The following DOCK1 variants were observed in gnomAD, a reference collection of about 807,000 sequenced individuals.
DOCK1 encodes the protein dedicator of cytokinesis protein 1.
In DOCK1, 138 loss-of-function variants were observed where a neutral mutation model predicts 262.7. The ratio of observed to expected loss-of-function variants is 0.53; its 90% CI spans 0.46 to 0.61. DOCK1 has a LOEUF of 0.61. Among genes scored for constraint, DOCK1 ranks in the 20% least tolerant of loss-of-function variants. The pLI, the probability that DOCK1 is intolerant of heterozygous loss-of-function variation, is 0.00. For missense variants in DOCK1, 1,908 were observed against 2,370.7 expected (o/e 0.80, Z 4.05); for synonymous variants, 866 against 867.4 (o/e 1.00, Z 0.03).
intron 28 of DOCK1, among the ~76,000 whole-genome samples, chr10:127,250,746 C>T (rs1231328512): frequency 8.4e-6 from 1 of 119,144 alleles, no homozygotes; most frequent in Non-Finnish European, 1.6e-5. Flanking sequence ...GAGCCGAGAT[C>T]GGGCCACTGC....
intron 1 of DOCK1, among the ~76,000 whole-genome samples, chr10:126,945,621 A>AT (rs1203608557): frequency 4.6e-5 from 7 of 152,114 alleles, no homozygotes; most frequent in African/African-American, 1.7e-4. Context: ...ATTTTTATGG[A>AT]TTTTCTTTTA....
chr10:126,956,156 C>T (rs2036722842), intron 1 of DOCK1, among the ~76,000 whole-genome samples: 1 of 152,202 alleles, frequency 6.6e-6, no homozygotes, highest in Non-Finnish European at 1.5e-5. Flanking sequence ...TGCTGATCTG[C>T]CTGGGAACAA....
intron 23 of DOCK1, among the ~76,000 whole-genome samples, chr10:127,071,576 T>C (rs570486194): frequency 1.1e-4 from 17 of 152,312 alleles, no homozygotes; most frequent in African/African-American, 4.1e-4. Context: ...CTGCGTAGTT[T>C]TTGGTTTACT....
Position 127,116,850 on chromosome 10 carries a change from A to G in DOCK1, c.2623+6496A>G, listed in dbSNP as rs547726484. On this transcript the variant is annotated intron_variant, in intron 25 of 51. Coordinates refer to ENST00000623213, the MANE Select transcript of DOCK1 (RefSeq NM_001290223.2). ...TATAGCATTCTGCAGTACTTTAATT[A>G]GATAGTTGTGCTGATGACTTCTGAT... 9.2e-5 allele frequency among the ~76,000 whole-genome samples: 14 copies of G among 152,306 alleles called. No homozygotes were observed. The East Asian group carries it at 2.5e-3, about 27-fold the overall frequency.
intron 29 of DOCK1, among the ~76,000 whole-genome samples, chr10:127,291,179 T>G (rs2061334439): frequency 6.6e-6 from 1 of 152,164 alleles, no homozygotes; most frequent in Admixed American, 6.5e-5. Flanking sequence ...GACTTTTGCT[T>G]ACAAAGGGCA....
intron 27 of DOCK1, among the ~76,000 whole-genome samples, chr10:127,140,981 T>G (rs1244374520): frequency 6.6e-6 from 1 of 152,188 alleles, no homozygotes; most frequent in Admixed American, 6.5e-5. Flanking sequence ...TTCCCCTTCC[T>G]GCTGCCCGGC....
At chr10:127,320,364 A>G (rs1439396276) in intron 29 of DOCK1, among the ~76,000 whole-genome samples, 3 of 152,236 alleles carry the variant, frequency 2.0e-5, no homozygotes, top group African/African-American at 7.2e-5. Context: ...GCAGGGGCCA[A>G]TGCAGCCAAG....
chr10:126,912,462 C>A (rs1279783277), intron 1 of DOCK1, among the ~76,000 whole-genome samples: 1 of 149,898 alleles, frequency 6.7e-6, no homozygotes, highest in Non-Finnish European at 1.5e-5. Flanking sequence ...CGCGGTGGCT[C>A]ACGCCTGTAA....
chr10:127,137,814 C>T (rs563883859), intron 27 of DOCK1: 73 of 1,597,878 alleles, frequency 4.6e-5, no homozygotes, highest in Non-Finnish European at 6.0e-5. Context: ...AAGACGGCCT[C>T]GAGACTCCAG....
intron 29 of DOCK1, among the ~76,000 whole-genome samples, chr10:127,297,861 C>T (rs371634839): frequency 5.3e-5 from 8 of 152,124 alleles, no homozygotes; most frequent in African/African-American, 1.2e-4. Flanking sequence ...TCAGACGTGT[C>T]GGAGCGAGAG....
intron 29 of DOCK1, among the ~76,000 whole-genome samples, chr10:127,268,107 A>G (rs1440403510): frequency 6.6e-6 from 1 of 152,158 alleles, no homozygotes; most frequent in African/African-American, 2.4e-5. Context: ...ACATCTTTTC[A>G]TGCACGAGAC....
At chr10:127,189,453 T>C (rs2056557716) in intron 27 of DOCK1, among the ~76,000 whole-genome samples, 1 of 152,240 alleles carries the variant, frequency 6.6e-6, no homozygotes, top group African/African-American at 2.4e-5. Context: ...AGCCTCACCC[T>C]GGGTGTTTTT....
At chr10:127,098,764 C>G (rs1009359109) in intron 23 of DOCK1, among the ~76,000 whole-genome samples, 3 of 152,048 alleles carry the variant, frequency 2.0e-5, no homozygotes, top group Non-Finnish European at 2.9e-5. Flanking sequence ...TAAGATTCCA[C>G]GCAGCACCAT....
At chr10:127,134,360 T>C (rs1352164540) in intron 27 of DOCK1, among the ~76,000 whole-genome samples, 2 of 152,230 alleles carry the variant, frequency 1.3e-5, no homozygotes, top group Non-Finnish European at 2.9e-5. Flanking sequence ...CTCAGATCTC[T>C]GTGGCTGTAG....
rs539572809 is a variant in DOCK1 at position 127,190,895 on chromosome 10, A to C, written c.2848-57113A>C. Among the ~76,000 whole-genome samples the C allele has an allele frequency of 1.8e-3, 268 of 150,870 alleles. 1 individual carries two copies. Among genetic ancestry groups the C allele is most frequent in the African/African-American group, 6.2e-3 (254 of 41,078 alleles). On this transcript the variant is annotated intron_variant, in intron 27 of 51. Coordinates refer to ENST00000623213, the MANE Select transcript of DOCK1 (RefSeq NM_001290223.2). The stretch of plus-strand genomic sequence containing the variant: ...GTGACACCTTCTCAACTGGTCTCCA[A>C]CTCCTCTCCTCTGGTTTGCCTCTAG...
intron 28 of DOCK1, 41 bp downstream of exon 28, chr10:127,248,150 G>A (rs1306335058): frequency 2.6e-6 from 4 of 1,543,914 alleles, no homozygotes. Flanking sequence ...CCATGTTTTA[G>A]GGCCAGCACT....
intron 14 of DOCK1, 55 bp downstream of exon 14, chr10:127,023,379 C>T: frequency 6.2e-7 from 1 of 1,602,168 alleles, no homozygotes; most frequent in Non-Finnish European, 8.5e-7. Context: ...TTGCCAAGTG[C>T]TCACCTTGGC....
In DOCK1 at chr10:127,046,666, T is replaced by C. The variant is rs147841029; in HGVS notation, c.2201+3502T>C. 2.9e-3 allele frequency among the ~76,000 whole-genome samples: 417 copies of C among 142,152 alleles called. 2 individuals carry two copies. Among genetic ancestry groups the C allele is most frequent in the African/African-American group, 9.7e-3 (368 of 37,754 alleles). The allele number at this position is 142,152 out of a possible 152,430, so 93.3% of individuals were successfully genotyped here. A position where few individuals can be genotyped will look rare whatever the true frequency, so the allele number is the denominator to read the frequency against. ...ATCCCAGCTAATCAGAAGGCTGAGG[T>C]AGGAGAATCGCTTGAACCTGGGAGG... On this transcript the variant is annotated intron_variant, in intron 21 of 51. Transcript: ENST00000623213.
At position 127,100,365 on chromosome 10, in the gene DOCK1, G is replaced by A. The variant is rs575704773; in HGVS notation, c.2446-5866G>A. On this transcript the variant is annotated intron_variant, in intron 23 of 51. Coordinates refer to ENST00000623213, the MANE Select transcript of DOCK1 (RefSeq NM_001290223.2). The surrounding 1 kb of genome is among the most constrained non-coding windows in gnomAD (Gnocchi z 5.5). ...CTGTGAGGAAGAGAGAACACCCGGT[G>A]TGATGCCCAGGCCTGTGGCATGCAG... 3.3e-5 allele frequency among the ~76,000 whole-genome samples: 5 copies of A among 152,316 alleles called. No homozygotes were observed. The East Asian group carries it at 9.7e-4, about 30-fold the overall frequency.
Sources: gnomAD v4.1 joint callset for allele counts (sites outside exome capture counted in the v4.1 genomes callset) on GRCh38, gnomAD v4.1.1 for gene constraint, Gnocchi (gnomAD v3.1) non-coding constraint, MANE v1.5 for transcripts, NCBI Gene and HGNC (gene_info 2026-07-23, HGNC 2026-07-21) for gene names.